SHC2: variants seen among roughly 807,000 people sequenced by gnomAD.
SHC2 encodes the protein SHC-transforming protein 2.
In SHC2, 62 loss-of-function variants were observed where a neutral mutation model predicts 60.6. The ratio of observed to expected loss-of-function variants is 1.02; its 90% CI spans 0.83 to 1.26. SHC2 has a LOEUF of 1.26. Among genes scored for constraint, SHC2 ranks in the 50% most tolerant of loss-of-function variants. The pLI, the probability that SHC2 is intolerant of heterozygous loss-of-function variation, is 0.00. For synonymous variants in SHC2, 375 were observed against 372.4 expected, an observed-to-expected ratio of 1.01 and a Z score of -0.08; for missense variants, 873 against 822.2, an observed-to-expected ratio of 1.06 and a Z score of -0.76.
intron 8 of SHC2, among the ~76,000 whole-genome samples, chr19:434,310 T>G (rs796988871): frequency 2.3e-4 from 1 of 4,376 alleles, no homozygotes. Context: ...GTGAGTGAGA[T>G]CGTGACTGAG....
chr19:458,422 G>A (rs1975432335), intron 1 of SHC2, among the ~76,000 whole-genome samples: 1 of 138,382 alleles, frequency 7.2e-6, no homozygotes, highest in Admixed American at 7.1e-5. Flanking sequence ...GGGTCCTGGG[G>A]AGGCAGAAGC....
Position 438,578 on chromosome 19 carries a change from C to T in SHC2, c.720+140G>A. 9.8e-7 allele frequency: 1 copy of T among 1,022,044 alleles called. No homozygotes were observed. The highest frequency in any genetic ancestry group is 1.4e-6 in the Non-Finnish European group (1 of 713,940). 63.3% of individuals were successfully genotyped at this position (1,022,044 alleles called of 1,614,324 possible). Reference sequence around the variant, plus strand: ...GAGGGCAGTGGCTGCACCCCCAGCTCCTGCTCAGCGGGGCCTCGGCTCGTC... The same window carrying T: ...GAGGGCAGTGGCTGCACCCCCAGCTTCTGCTCAGCGGGGCCTCGGCTCGTC... On this transcript the variant is annotated intron_variant, in intron 4 of 12. Transcript: ENST00000264554. This position sits in a 1 kb window ranked among gnomAD's most constrained non-coding sequence, Gnocchi z 5.0.
rs12459362 is a variant in SHC2 at position 453,750 on chromosome 19, T to G, written c.468+6779A>C. Among the ~76,000 whole-genome samples the G allele has an allele frequency of 0.82, 125,179 of 152,052 alleles. 51,868 individuals carry two copies. The highest frequency in any genetic ancestry group is 0.97 in the East Asian group (5,007 of 5,150). ...GACCCGCGATGCAGGAAGGATGAAG[T>G]GTCATTTTGCCGACCGTGTCCCAGT... On this transcript the variant is annotated intron_variant, in intron 1 of 12. Transcript: ENST00000264554. This position sits in a 1 kb window ranked among gnomAD's most constrained non-coding sequence, Gnocchi z 6.3.
intron 8 of SHC2, among the ~76,000 whole-genome samples, chr19:431,604 G>C (rs1974598349): frequency 3.9e-5 from 2 of 50,734 alleles, no homozygotes; most frequent in Admixed American, 1.7e-4. Flanking sequence ...CGGGCAGATA[G>C]ATGGCGCTTC....
At position 424,605 on chromosome 19, in the gene SHC2, G is replaced by A. The variant is rs557123904; in HGVS notation, c.1309+492C>T. ...CTGTTGACTGGAGGGCCTCACAGAC[G>A]GGGCCGCAGCCTCCCACCACACTGA... On this transcript the variant is annotated intron_variant, in intron 10 of 12. Transcript: ENST00000264554. The surrounding 1 kb of genome is among the most constrained non-coding windows in gnomAD (Gnocchi z 4.5). Among the ~76,000 whole-genome samples, 34 of 152,248 alleles carry A rather than the reference G, an allele frequency of 2.2e-4. No individual in the cohort carries two copies. The highest frequency in any genetic ancestry group is 4.0e-4 in the Non-Finnish European group (27 of 68,018).
chr19:433,485 A>T (rs1368739758), intron 8 of SHC2, among the ~76,000 whole-genome samples: 3 of 19,882 alleles, frequency 1.5e-4, no homozygotes, highest in Admixed American at 8.2e-4. Context: ...TGAGTGAGAG[A>T]TAGAGGAGGC....
intron 7 of SHC2, 127 bp from the exon 8 acceptor site, chr19:434,992 G>A (rs1037728828): frequency 1.0e-6 from 1 of 960,462 alleles, no homozygotes; most frequent in Admixed American, 2.8e-5. Context: ...TGTCACTGAG[G>A]GTTCCTACCG....
At position 453,432 on chromosome 19, in the gene SHC2, G is replaced by A. The variant is rs1470123845; in HGVS notation, c.468+7097C>T. On this transcript the variant is annotated intron_variant, in intron 1 of 12. Transcript: ENST00000264554. The surrounding 1 kb of genome is among the most constrained non-coding windows in gnomAD (Gnocchi z 6.3). Reference sequence around the variant, plus strand: ...CCACAGGTGTGCACCACCCTGCCTGGCTAATGTTTTTTCTTTTTTGGTAGA... The same window carrying A: ...CCACAGGTGTGCACCACCCTGCCTGACTAATGTTTTTTCTTTTTTGGTAGA... 1.3e-5 allele frequency among the ~76,000 whole-genome samples: 2 copies of A among 152,116 alleles called. No individual in the cohort carries two copies. The highest frequency in any genetic ancestry group is 4.8e-5 in the African/African-American group (2 of 41,430).
At chr19:460,290 C>G (rs1203952403) in intron 1 of SHC2, among the ~76,000 whole-genome samples, 1 of 150,048 alleles carries the variant, frequency 6.7e-6, no homozygotes, top group Non-Finnish European at 1.5e-5. Flanking sequence ...CATGCGCGCC[C>G]CTCCCCCGCC....
chr19:452,604 C>A (rs34148612), intron 1 of SHC2, among the ~76,000 whole-genome samples: 9 of 141,352 alleles, frequency 6.4e-5, no homozygotes, highest in African/African-American at 1.6e-4. Flanking sequence ...CGTTTCACTG[C>A]GGTTGGGGCA....
At position 460,808 on chromosome 19, in the gene SHC2, T is replaced by C. The variant is rs1408604978; in HGVS notation, c.189A>G (p.Gln63=). The C allele has an allele frequency of 1.0e-6, 1 of 973,064 alleles. No homozygotes were observed. The highest frequency in any genetic ancestry group is 1.8e-5 in the African/African-American group (1 of 54,340). The allele number at this position is 973,064 out of a possible 1,614,324, so 60.3% of individuals were successfully genotyped here. Reference sequence around the variant, plus strand: ...CGCCCCCCGGGCCCGCCGGCTCGGGTTGGGGGTCCGCGCCCCCCGAGGCCC... The same window carrying C: ...CGCCCCCCGGGCCCGCCGGCTCGGGCTGGGGGTCCGCGCCCCCCGAGGCCC... ...AAGASGGADP[Q]PEPAGPGGVP... Residue 63 remains glutamine, a synonymous_variant, in exon 1 of 13, where the codon CAA becomes CAG. Coordinates refer to ENST00000264554, the MANE Select transcript of SHC2 (RefSeq NM_012435.3).
intron 1 of SHC2, among the ~76,000 whole-genome samples, chr19:451,545 A>G (rs1975197650): frequency 6.6e-6 from 1 of 152,208 alleles, no homozygotes; most frequent in Non-Finnish European, 1.5e-5. Flanking sequence ...TGGGAGGTAT[A>G]TATCCAAGAA....
rs972944712 is a variant in SHC2, at chr19:438,934, C to T, written c.600+36G>A. 14 of 1,577,512 alleles carry T rather than the reference C, an allele frequency of 8.9e-6. No homozygotes were observed. Among genetic ancestry groups the T allele is most frequent in the Admixed American group, 7.2e-5 (4 of 55,510 alleles). ...AGCGTCCCCACAGCCCCCGACTGCC[C>T]CACCAGCCCCACGAGAGACCACAAG... On this transcript the variant is annotated intron_variant, in intron 3 of 12. Transcript: ENST00000264554. This position sits in a 1 kb window ranked among gnomAD's most constrained non-coding sequence, Gnocchi z 5.0.
In SHC2 at chr19:424,706, G is replaced by A. The variant is rs888019945; in HGVS notation, c.1309+391C>T. ...ACAGAGGCAGGTGGGTTACCCCCGA[G>A]AGAGTGGAGCTTCTCACAGAGCGGG... is the stretch of plus-strand genomic sequence containing the variant. On this transcript the variant is annotated intron_variant, in intron 10 of 12. Transcript: ENST00000264554. This position sits in a 1 kb window ranked among gnomAD's most constrained non-coding sequence, Gnocchi z 4.5. 1.3e-5 allele frequency among the ~76,000 whole-genome samples: 2 copies of A among 152,196 alleles called. No individual in the cohort carries two copies. Among genetic ancestry groups the A allele is most frequent in the African/African-American group, 4.8e-5 (2 of 41,444 alleles).
chr19:423,757 C>A (rs1370223867), intron 10 of SHC2, among the ~76,000 whole-genome samples: 2 of 152,240 alleles, frequency 1.3e-5, no homozygotes, highest in African/African-American at 2.4e-5. Flanking sequence ...TCCCAGCCAG[C>A]GACTGGTTTG....
At chr19:460,400 G>C (rs967787978) in intron 1 of SHC2, 129 bp downstream of exon 1, 8 of 358,930 alleles carry the variant, frequency 2.2e-5, no homozygotes, top group Non-Finnish European at 3.7e-5. Context: ...ATGGGGGTCC[G>C]GGGTGGCGGG....
intron 1 of SHC2, among the ~76,000 whole-genome samples, chr19:455,727 C>T (rs948473628): frequency 3.9e-5 from 6 of 152,158 alleles, no homozygotes; most frequent in Admixed American, 2.0e-4. Context: ...AGAGTTGGTT[C>T]CCAATCTGCT....
At chr19:420,032 G>A (rs1974232108) in intron 11 of SHC2, among the ~76,000 whole-genome samples, 1 of 152,218 alleles carries the variant, frequency 6.6e-6, no homozygotes, top group Non-Finnish European at 1.5e-5. Context: ...ACGTCCTTCT[G>A]TGTGGCACTG....
chr19:460,273 A>G (rs1167159793), intron 1 of SHC2, among the ~76,000 whole-genome samples: 1 of 151,666 alleles, frequency 6.6e-6, no homozygotes, highest in East Asian at 1.9e-4. Flanking sequence ...GGGGCGGTGC[A>G]CCTGCGCATG....
Sources: gnomAD v4.1 joint callset for allele counts (sites outside exome capture counted in the v4.1 genomes callset) on GRCh38, gnomAD v4.1.1 for gene constraint, Gnocchi (gnomAD v3.1) non-coding constraint, MANE v1.5 for transcripts, NCBI Gene and HGNC (gene_info 2026-07-23, HGNC 2026-07-21) for gene names.